Variants in SPTBN2 observed in about 807,000 individuals in gnomAD.
SPTBN2 encodes spectrin beta chain, non-erythrocytic 2.
A neutral mutation model predicts 284.2 loss-of-function variants in SPTBN2; 107 were observed. That is an observed-to-expected ratio of 0.38 (90% CI 0.32 to 0.44). The LOEUF (loss-of-function observed/expected upper bound fraction) is 0.44. Ranked by LOEUF, SPTBN2 falls within the 20% of genes least tolerant of loss-of-function variation. The probability of loss-of-function intolerance (pLI) is 1.00; values close to 1 mark genes in which losing one functional copy is unlikely to be tolerated. For missense variants in SPTBN2, 2,569 were observed against 3,287.1 expected (o/e 0.78, Z 5.34); for synonymous variants, 1,289 against 1,354.8 (o/e 0.95, Z 1.07).
At chr11:66,695,638 C>T (rs1460198354) in intron 21 of SPTBN2, among the ~76,000 whole-genome samples, 1 of 152,080 alleles carries the variant, frequency 6.6e-6, no homozygotes, top group Non-Finnish European at 1.5e-5. Context: ...ATAGACCTTA[C>T]GACCCATGAA....
chr11:66,715,214 T>C lies in SPTBN2; in HGVS notation c.483+8A>G. On this transcript the variant is annotated splice_region_variant and intron_variant, in intron 5 of 37. Coordinates refer to ENST00000533211, the MANE Select transcript of SPTBN2 (RefSeq NM_006946.4). The surrounding 1 kb of genome is among the most constrained non-coding windows in gnomAD (Gnocchi z 5.3). ...AACCACACCCTGTGTGACAGTGTGC[T>C]GGGGTACCTGGAATCGAAGGATGAT... 6.2e-7 allele frequency: 1 copy of C among 1,614,198 alleles called. No individual in the cohort carries two copies. Among genetic ancestry groups the C allele is most frequent in the Non-Finnish European group, 8.5e-7 (1 of 1,180,042 alleles).
chr11:66,716,054 G>T, intron 3 of SPTBN2, 73 bp from the exon 4 acceptor site: 2 of 1,602,042 alleles, frequency 1.2e-6, no homozygotes, highest in Non-Finnish European at 1.7e-6. Context: ...AGTTGGCAGG[G>T]GTGGGGGATG....
chr11:66,687,809 C>T lies in SPTBN2; in HGVS notation c.6501+59G>A. 1.2e-6 allele frequency: 2 copies of T among 1,610,488 alleles called. No individual in the cohort carries two copies. Among genetic ancestry groups the T allele is most frequent in the Non-Finnish European group, 8.5e-7 (1 of 1,176,758 alleles). On this transcript the variant is annotated intron_variant, in intron 34 of 37. Transcript: ENST00000533211. This position sits in a 1 kb window ranked among gnomAD's most constrained non-coding sequence, Gnocchi z 5.2. ...CCAGTACTCCCCCACCCGCACTCACCACCCCCTCTGGACCCTTCGCCTCAC... is the reference window on the plus strand; with the variant it reads ...CCAGTACTCCCCCACCCGCACTCACTACCCCCTCTGGACCCTTCGCCTCAC...
At chr11:66,740,307 G>T (rs545788745) in intron 1 of SPTBN2, among the ~76,000 whole-genome samples, 19 of 152,230 alleles carry the variant, frequency 1.2e-4, no homozygotes, top group Admixed American at 9.8e-4. Flanking sequence ...ATAAACTTTG[G>T]TACTGTCCCA....
chr11:66,717,892 C>T (rs1942218116), intron 3 of SPTBN2, among the ~76,000 whole-genome samples: 1 of 152,236 alleles, frequency 6.6e-6, no homozygotes. Flanking sequence ...GAACACACAC[C>T]TGCGCAGACA....
At chr11:66,730,769 T>C (rs1942798402), upstream of SPTBN2, among the ~76,000 whole-genome samples, 1 of 152,178 alleles carries the variant, frequency 6.6e-6, no homozygotes, top group Admixed American at 6.5e-5. Flanking sequence ...AATTTCCTAT[T>C]TTCAGCATTT....
chr11:66,694,198 G>C lies in SPTBN2; in HGVS notation c.4444C>G (p.Arg1482Gly). The C allele has an allele frequency of 1.9e-6, 3 of 1,613,464 alleles. No homozygotes were observed. Among genetic ancestry groups the C allele is most frequent in the Non-Finnish European group, 2.5e-6 (3 of 1,180,034 alleles). ...TGCTCGCGAGAAGCCTGCAGGCGCC[G>C]GCAGCGTTCCCGCATGGGCTGGCAC... The part of the protein sequence containing the change: ...ALCQPMRERC[R>G]RLQASREQHQ... The change falls in exon 22 of 38, where the codon CGG becomes GGG. Residue 1482 changes from arginine to glycine, a missense_variant. By Grantham distance (125) the Arg-to-Gly change is moderately radical (BLOSUM62 -2). This residue lies in a region of SPTBN2 where 1,130 missense variants were observed against 1,317.3 expected (regional missense o/e 0.86). Transcript: ENST00000533211.
intron 20 of SPTBN2, among the ~76,000 whole-genome samples, chr11:66,696,895 TCTTCA>T (rs979513111): frequency 7.1e-4 from 108 of 152,206 alleles, no homozygotes; most frequent in African/African-American, 2.5e-3. Flanking sequence ...AACTCATTAC[TCTTCA>T]CTTCAGTGAT....
At position 66,705,055 on chromosome 11, in the gene SPTBN2, G is replaced by A; in HGVS notation, c.2221C>T (p.Gln741Ter). Residue 741 changes from glutamine to a stop codon, truncating the protein, a stop_gained, in exon 15 of 38, where the codon CAG (glutamine) becomes TAG (stop). Transcript: ENST00000533211. LOFTEE classifies it high-confidence loss of function. ...RLEALAEERA[Q>*]RLAQAASLYQ... ...AGGCTGGCGGCTTGGGCCAGCCGCT[G>A]GGCACGCTCCTCGGCCAGGGCCTCT... The A allele has an allele frequency of 6.3e-7, 1 of 1,596,774 alleles. No homozygotes were observed. The highest frequency in any genetic ancestry group is 8.5e-7 in the Non-Finnish European group (1 of 1,178,368).
At position 66,690,300 on chromosome 11, in the gene SPTBN2, C is replaced by G. The variant is rs553453013; in HGVS notation, c.5566-17G>C. 1 of 1,588,746 alleles carries G rather than the reference C, an allele frequency of 6.3e-7. No individual in the cohort carries two copies. Among genetic ancestry groups the G allele is most frequent in the African/African-American group, 1.3e-5 (1 of 74,466 alleles). ...CTGCTGGACCTGCGGAGCCCCGGGT[C>G]AGAGTCAGGCAGAGCGGGGGACTCC... is the stretch of plus-strand genomic sequence containing the variant. On this transcript the variant is annotated splice_polypyrimidine_tract_variant and intron_variant, in intron 27 of 37. Coordinates refer to ENST00000533211, the MANE Select transcript of SPTBN2 (RefSeq NM_006946.4).
chr11:66,716,393 T>G (rs192628603), intron 3 of SPTBN2, among the ~76,000 whole-genome samples: 1 of 151,400 alleles, frequency 6.6e-6, no homozygotes, highest in East Asian at 1.9e-4. Flanking sequence ...TGAGGCAGAC[T>G]GACGTGAACC....
intron 1 of SPTBN2, among the ~76,000 whole-genome samples, chr11:66,739,412 T>C (rs773859788): frequency 8.5e-5 from 13 of 152,366 alleles, no homozygotes; most frequent in South Asian, 6.2e-4. Context: ...TGTTATATTT[T>C]AGTTTTCCAT....
chr11:66,717,733 G>T (rs1942212302), intron 3 of SPTBN2, among the ~76,000 whole-genome samples: 1 of 152,164 alleles, frequency 6.6e-6, no homozygotes. Context: ...AGAAGACACA[G>T]AATTAGTGGC....
chr11:66,743,797 A>T (rs763307025), intron 1 of SPTBN2, among the ~76,000 whole-genome samples: 1 of 152,178 alleles, frequency 6.6e-6, no homozygotes, highest in Non-Finnish European at 1.5e-5. Flanking sequence ...TTGCGGGGGA[A>T]GCTGGTCCCC....
rs1341739357 is a variant in SPTBN2, at chr11:66,705,140, G to A, written c.2136C>T (p.His712=). The A allele has an allele frequency of 1.3e-6, 2 of 1,539,222 alleles. No individual in the cohort carries two copies. The highest frequency in any genetic ancestry group is 2.4e-5 in the South Asian group (2 of 84,930). The change falls in exon 15 of 38, where the codon CAC becomes CAT. Residue 712 remains histidine (H), a synonymous_variant. Transcript: ENST00000533211. ...GGGCAGAGGCCTGGCTTGCCCCAGGGTGACCCTCGGCCACCAACTGCTGGC... is the reference window on the plus strand; with the variant it reads ...GGGCAGAGGCCTGGCTTGCCCCAGGATGACCCTCGGCCACCAACTGCTGGC... The part of the protein sequence containing the change: ...EQGQQLVAEG[H]PGASQASARA...
chr11:66,716,026 T>C lies in SPTBN2; in HGVS notation c.158-45A>G, dbSNP rs1942128816. 2.5e-6 allele frequency: 4 copies of C among 1,612,640 alleles called. No individual in the cohort carries two copies. In the African/African-American group the frequency reaches 4.0e-5, roughly 16 times the overall value. ...TTATTTCTGTCCCTCGAGTTCAGTA[T>C]GCCTGCTTCTAAACACCAGTTGGCA... On this transcript the variant is annotated intron_variant, in intron 3 of 37. Coordinates refer to ENST00000533211, the MANE Select transcript of SPTBN2 (RefSeq NM_006946.4).
chr11:66,726,090 G>A (rs1366213757), intron 1 of SPTBN2, among the ~76,000 whole-genome samples: 1 of 152,126 alleles, frequency 6.6e-6, no homozygotes, highest in Non-Finnish European at 1.5e-5. Context: ...ACTCGTTTTG[G>A]TGTTTTTCCA....
Position 66,693,361 on chromosome 11 carries a change from CCTGCTGCTGCTGCACCTAGAGCACG to C in SPTBN2, c.4654_4678del (p.Arg1552ValfsTer52). The C allele has an allele frequency of 6.2e-7, 1 of 1,605,916 alleles. No individual in the cohort carries two copies. The highest frequency in any genetic ancestry group is 8.5e-7 in the Non-Finnish European group (1 of 1,179,996). On this transcript the variant is annotated frameshift_variant, in exon 24 of 38. Transcript: ENST00000533211. LOFTEE classifies it high-confidence loss of function. This position sits in a 1 kb window ranked among gnomAD's most constrained non-coding sequence, Gnocchi z 5.7. The stretch of plus-strand genomic sequence containing the variant: ...TTCCTGCAGCTCAGCCAGCTCTGGA[CCTGCTGCTGCTGCACCTAGAGCACG>C]CTGCCGCTCCCTCAGGTCCGCGATC...
Position 66,687,872 on chromosome 11 carries a change from C to A in SPTBN2, c.6497G>T (p.Gly2166Val). 3 of 1,614,154 alleles carry A rather than the reference C, an allele frequency of 1.9e-6. No individual in the cohort carries two copies. The change falls in exon 34 of 38, where the codon GGG (glycine) becomes GTG (valine). Residue 2166 changes from glycine (G) to valine (V), a missense_variant. This residue lies in a region of SPTBN2 where 1,130 missense variants were observed against 1,317.3 expected (regional missense o/e 0.86). Coordinates refer to ENST00000533211, the MANE Select transcript of SPTBN2 (RefSeq NM_006946.4). This position sits in a 1 kb window ranked among gnomAD's most constrained non-coding sequence, Gnocchi z 5.2. ...CACACTTGCAGGGGAACTCACCGGCCCTTCGGGGAAGCTGCTGTGCTCAAG... is the reference window on the plus strand; with the variant it reads ...CACACTTGCAGGGGAACTCACCGGCACTTCGGGGAAGCTGCTGTGCTCAAG... Reference protein sequence around the residue: ...QRLEHSSFPEGPGPGSGDEAN... With the variant: ...QRLEHSSFPEVPGPGSGDEAN...
Sources: allele counts gnomAD v4.1 joint callset (sites outside exome capture counted in the v4.1 genomes callset), GRCh38; gene constraint gnomAD v4.1.1; regional missense constraint gnomAD v4.1.1; non-coding constraint Gnocchi (gnomAD v3.1); transcripts MANE v1.5; gene names NCBI Gene and HGNC (gene_info 2026-07-23, HGNC 2026-07-21).